Variants in CTNNA2 observed in about 807,000 individuals in gnomAD.
The protein encoded by CTNNA2 is catenin alpha 2, also known as catenin alpha-2.
Under a neutral mutation model 101.0 loss-of-function variants are expected in CTNNA2, and 42 were observed. The ratio of observed to expected loss-of-function variants is 0.42; its 90% confidence interval spans 0.32 to 0.54. The LOEUF (loss-of-function observed/expected upper bound fraction) is 0.54, where lower values mean the gene tolerates loss of function less well. Ranked by LOEUF, CTNNA2 falls within the 20% of genes least tolerant of loss-of-function variation. The pLI is 0.14. For synonymous variants in CTNNA2, 450 were observed against 456.4 expected (o/e 0.99, Z 0.18); for missense variants, 871 against 1,223.1 (o/e 0.71, Z 4.29).
Position 79,835,666 on chromosome 2 carries a change from G to GT in CTNNA2, c.299-22310dup, listed in dbSNP as rs70940048. On this transcript the variant is annotated intron_variant, in intron 3 of 18. Transcript: ENST00000402739. ...CTGTGCTGCAGAATGGCCTCTCTTT[G>GT]TTTTTTTTTTTTTTTTTTTTTTTTT... Among the ~76,000 whole-genome samples the GT allele has an allele frequency of 1.5e-3, 88 of 58,632 alleles. 21 individuals are homozygous for GT. The highest frequency in any genetic ancestry group is 2.5e-3 in the East Asian group (4 of 1,574). The allele number at this position is 58,632 out of a possible 152,430, so 38.5% of individuals were successfully genotyped here.
At chr2:79,967,853 C>T (rs544619338) in intron 7 of CTNNA2, among the ~76,000 whole-genome samples, 7 of 152,132 alleles carry the variant, frequency 4.6e-5, no homozygotes, top group South Asian at 4.1e-4. Flanking sequence ...TAAAAAATTG[C>T]GGTAATGTTC....
chr2:79,384,163 A>C (rs1400522498), intron 4 of CTNNA2, among the ~76,000 whole-genome samples: 3 of 152,210 alleles, frequency 2.0e-5, no homozygotes, highest in African/African-American at 7.2e-5. Flanking sequence ...GATAAAAAAC[A>C]ATCAGCGTAA....
intron 2 of CTNNA2, among the ~76,000 whole-genome samples, chr2:79,241,071 C>T (rs1389165415): frequency 6.6e-6 from 1 of 152,196 alleles, no homozygotes; most frequent in Admixed American, 6.5e-5. Context: ...ACCTATTCCA[C>T]ATTCTCAATA....
intron 7 of CTNNA2, among the ~76,000 whole-genome samples, chr2:79,962,428 C>T (rs996183915): frequency 3.3e-5 from 5 of 152,220 alleles, no homozygotes; most frequent in African/African-American, 1.2e-4. Context: ...GAGGTTTTAA[C>T]ATATGAATTT....
chr2:79,994,642 C>T (rs1230019953), intron 7 of CTNNA2, among the ~76,000 whole-genome samples: 1 of 151,668 alleles, frequency 6.6e-6, no homozygotes, highest in East Asian at 1.9e-4. Context: ...AAGGATATCG[C>T]TAAAATCAGG....
chr2:79,328,627 C>T (rs1573083040), intron 3 of CTNNA2, among the ~76,000 whole-genome samples: 1 of 152,030 alleles, frequency 6.6e-6, no homozygotes, highest in East Asian at 1.9e-4. Flanking sequence ...AAACACTATT[C>T]AATGAGGCAT....
At chr2:80,360,295 G>T (rs1273433632) in intron 7 of CTNNA2, among the ~76,000 whole-genome samples, 1 of 151,992 alleles carries the variant, frequency 6.6e-6, no homozygotes, top group African/African-American at 2.4e-5. Context: ...CCATTTTGAT[G>T]GATAATTATG....
In CTNNA2 at chr2:80,173,341, A is replaced by C. The variant is rs192560637; in HGVS notation, c.1057-219870A>C. 4.0e-3 allele frequency among the ~76,000 whole-genome samples: 616 copies of C among 152,362 alleles called. 1 individual carries two copies. The highest frequency in any genetic ancestry group is 0.014 in the African/African-American group (580 of 41,588). The stretch of plus-strand genomic sequence containing the variant: ...CTAAAATTGGAATAGTTATTTCAAA[A>C]GAATATTGTAAGGACTATCAGATTT... On this transcript the variant is annotated intron_variant, in intron 7 of 18. Transcript: ENST00000402739.
chr2:79,900,103 A>G (rs1684979632), intron 6 of CTNNA2, among the ~76,000 whole-genome samples: 1 of 152,220 alleles, frequency 6.6e-6, no homozygotes, highest in Non-Finnish European at 1.5e-5. Context: ...AGTCTTTAAA[A>G]TAAGTATTTA....
At chr2:80,188,750 G>C (rs943642410) in intron 7 of CTNNA2, among the ~76,000 whole-genome samples, 2 of 151,990 alleles carry the variant, frequency 1.3e-5, no homozygotes, top group African/African-American at 4.8e-5. Flanking sequence ...TTTACATTGG[G>C]ACCACTTGGA....
At chr2:80,331,021 G>GTTT (rs34091714) in intron 7 of CTNNA2, among the ~76,000 whole-genome samples, 2 of 139,676 alleles carry the variant, frequency 1.4e-5, no homozygotes, top group Non-Finnish European at 3.2e-5. Flanking sequence ...TAAACTGTAT[G>GTTT]TTTTTTTTTT....
intron 3 of CTNNA2, among the ~76,000 whole-genome samples, chr2:79,839,361 A>G (rs1033988520): frequency 2.0e-5 from 3 of 151,890 alleles, no homozygotes; most frequent in African/African-American, 4.8e-5. Flanking sequence ...TGGCCTTTGA[A>G]TTCTCCAGTT....
At chr2:79,984,131 A>G (rs1209686887) in intron 7 of CTNNA2, among the ~76,000 whole-genome samples, 2 of 152,212 alleles carry the variant, frequency 1.3e-5, no homozygotes, top group African/African-American at 2.4e-5. Context: ...GGCATGTTCA[A>G]TTTAATTCTG....
At chr2:79,500,377 A>T (rs1157916250) in intron 4 of CTNNA2, among the ~76,000 whole-genome samples, 1 of 152,220 alleles carries the variant, frequency 6.6e-6, no homozygotes, top group Non-Finnish European at 1.5e-5. Context: ...ATGGGATACA[A>T]ACAGTAATTA....
intron 3 of CTNNA2, among the ~76,000 whole-genome samples, chr2:79,326,204 A>G (rs1167055503): frequency 1.3e-5 from 2 of 152,066 alleles, no homozygotes; most frequent in Non-Finnish European, 2.9e-5. Context: ...TGAACAAATA[A>G]TAATGAAGGT....
chr2:80,342,097 AT>A (rs1375595967), intron 7 of CTNNA2, among the ~76,000 whole-genome samples: 1 of 152,188 alleles, frequency 6.6e-6, no homozygotes, highest in East Asian at 1.9e-4. Flanking sequence ...GTGACTGTCT[AT>A]GGCTGGAGGA....
intron 3 of CTNNA2, among the ~76,000 whole-genome samples, chr2:79,840,298 G>A (rs189347580): frequency 9.7e-4 from 147 of 152,256 alleles, no homozygotes; most frequent in African/African-American, 3.4e-3. Context: ...CAACTGTACA[G>A]TTCTATTTTC....
At chr2:79,786,674 A>G (rs1573967120) in intron 3 of CTNNA2, among the ~76,000 whole-genome samples, 4 of 152,216 alleles carry the variant, frequency 2.6e-5, no homozygotes, top group Admixed American at 2.6e-4. Flanking sequence ...AGAACTTTCT[A>G]GAGGAGTACC....
At position 80,533,110 on chromosome 2, in the gene CTNNA2, T is replaced by C. The variant is rs17019296; in HGVS notation, c.1291-11872T>C. Among the ~76,000 whole-genome samples the C allele has an allele frequency of 2.4e-3, 373 of 152,340 alleles. 3 individuals carry two copies. The highest frequency in any genetic ancestry group is 7.7e-3 in the African/African-American group (322 of 41,584). On this transcript the variant is annotated intron_variant, in intron 9 of 18. Transcript: ENST00000402739. ...TAGCTATGTGTGTATCTTTGATTTATACATCTAATTCCGTGTGTAGGTATC... is the reference window on the plus strand; with the variant it reads ...TAGCTATGTGTGTATCTTTGATTTACACATCTAATTCCGTGTGTAGGTATC...
Sources: gnomAD v4.1 joint callset for allele counts (sites outside exome capture counted in the v4.1 genomes callset) on GRCh38, gnomAD v4.1.1 for gene constraint, MANE v1.5 for transcripts, NCBI Gene and HGNC (gene_info 2026-07-23, HGNC 2026-07-21) for gene names.